TPH2: variants seen among roughly 807,000 people sequenced by gnomAD.
The protein encoded by TPH2 is tryptophan 5-hydroxylase 2.
In TPH2, 27 loss-of-function variants were observed where a neutral mutation model predicts 59.1. The ratio of observed to expected loss-of-function variants is 0.46; its 90% CI spans 0.34 to 0.63. The LOEUF is 0.63. TPH2 is among the 30% of genes least tolerant of loss of function. The pLI is 0.01. For missense variants in TPH2, 523 were observed against 588.3 expected, an observed-to-expected ratio of 0.89 and a Z score of 1.15; for synonymous variants, 220 against 210.5, an observed-to-expected ratio of 1.05 and a Z score of -0.39.
At chr12:71,957,954 T>G (rs1024842418) in intron 5 of TPH2, among the ~76,000 whole-genome samples, 3 of 152,222 alleles carry the variant, frequency 2.0e-5, no homozygotes, top group African/African-American at 7.2e-5. Context: ...TCAGATTGTA[T>G]TAGGTTCCTT....
chr12:72,027,237 G>A (rs1873595828), intron 9 of TPH2, among the ~76,000 whole-genome samples: 1 of 152,196 alleles, frequency 6.6e-6, no homozygotes, highest in Non-Finnish European at 1.5e-5. Flanking sequence ...AAGCCTCAGA[G>A]CTGGGGCCGT....
intron 5 of TPH2, chr12:71,962,751 A>G (rs1014051205): frequency 1.2e-5 from 11 of 924,080 alleles, no homozygotes; most frequent in Non-Finnish European, 1.4e-5. Flanking sequence ...GAGATAGAGT[A>G]TCTGTCATCC....
intron 8 of TPH2, among the ~76,000 whole-genome samples, chr12:72,013,284 T>C (rs1355957532): frequency 1.3e-5 from 2 of 152,208 alleles, no homozygotes; most frequent in African/African-American, 4.8e-5. Context: ...AAGATGTTTC[T>C]CAAATCCCAA....
rs1872198763 is a variant in TPH2 at position 71,979,065 on chromosome 12, G to T, written c.919G>T (p.Asp307Tyr). 1.2e-6 allele frequency: 2 copies of T among 1,614,004 alleles called. No homozygotes were observed. The highest frequency in any genetic ancestry group is 2.2e-5 in the South Asian group (2 of 91,086). Residue 307 changes from aspartate to tyrosine, a missense_variant, in exon 7 of 11, where the codon GAT becomes TAT. Physicochemically the swap from Asp to Tyr is radical, Grantham distance 160. Coordinates refer to ENST00000333850, the MANE Select transcript of TPH2 (RefSeq NM_173353.4). ...TACCCAGTACATCCGGCATGGCTCA[G>T]ATCCCCTCTACACCCCAGAACCGTG... The part of the protein sequence containing the change: ...HCTQYIRHGS[D>Y]PLYTPEPDTC...
intron 9 of TPH2, among the ~76,000 whole-genome samples, chr12:72,027,954 A>G (rs865825030): frequency 6.6e-6 from 1 of 152,112 alleles, no homozygotes. Context: ...GCAGCCCAAC[A>G]TGGGGTAGTT....
chr12:71,966,456 C>T (rs189627104), intron 5 of TPH2, among the ~76,000 whole-genome samples: 77 of 152,160 alleles, frequency 5.1e-4, no homozygotes, highest in Middle Eastern at 3.4e-3. Context: ...TTGTTTTCTC[C>T]AACCGCCAGG....
intron 7 of TPH2, among the ~76,000 whole-genome samples, chr12:71,993,208 A>G (rs1171350880): frequency 1.3e-5 from 2 of 152,236 alleles, no homozygotes; most frequent in Non-Finnish European, 2.9e-5. Context: ...GTGGGCATCA[A>G]TCTTGGCCCT....
At chr12:71,949,845 A>G (rs532058409) in intron 5 of TPH2, among the ~76,000 whole-genome samples, 190 bp downstream of exon 5, 1 of 152,318 alleles carries the variant, frequency 6.6e-6, no homozygotes, top group East Asian at 1.9e-4. Context: ...TTGTAAAATA[A>G]TGAGACCTGT....
In TPH2 at chr12:71,997,327, G is replaced by T. The variant is rs576566247; in HGVS notation, c.1068+2762G>T. Among the ~76,000 whole-genome samples the T allele has an allele frequency of 4.6e-5, 7 of 152,302 alleles. No individual in the cohort carries two copies. The East Asian group carries it at 1.2e-3, about 25-fold the overall frequency. On this transcript the variant is annotated intron_variant, in intron 8 of 10. Coordinates refer to ENST00000333850, the MANE Select transcript of TPH2 (RefSeq NM_173353.4). ...TATGATAATCTTCCCGTCTCACTAT[G>T]TATGGCCATCATCAACATCTGCAAA... is the stretch of plus-strand genomic sequence containing the variant.
At chr12:71,964,577 A>G (rs1343491719) in intron 5 of TPH2, 1 of 985,240 alleles carries the variant, frequency 1.0e-6, no homozygotes, top group Non-Finnish European at 1.2e-6. Context: ...TTGGCTGTAT[A>G]TTGTAGACAC....
chr12:71,995,695 G>A (rs1872677237), intron 8 of TPH2, among the ~76,000 whole-genome samples: 1 of 152,212 alleles, frequency 6.6e-6, no homozygotes, highest in Non-Finnish European at 1.5e-5. Flanking sequence ...AGGACAGCAT[G>A]TCTCTTGTAT....
chr12:71,953,594 G>T (rs1037462475), intron 5 of TPH2, among the ~76,000 whole-genome samples: 3 of 152,112 alleles, frequency 2.0e-5, no homozygotes, highest in Admixed American at 2.0e-4. Context: ...AGTACATAAA[G>T]GAGAGTGACG....
At chr12:71,983,300 C>T (rs1417304077) in intron 7 of TPH2, among the ~76,000 whole-genome samples, 11 of 152,226 alleles carry the variant, frequency 7.2e-5, no homozygotes, top group South Asian at 2.1e-4. Flanking sequence ...ATCTGCATTT[C>T]GGTATTGCCT....
At chr12:71,941,425 A>G (rs1871062268) in intron 1 of TPH2, 159 bp from the exon 2 acceptor site, 2 of 348,554 alleles carry the variant, frequency 5.7e-6, no homozygotes, top group South Asian at 1.2e-4. Flanking sequence ...ACCAATATTT[A>G]TGACTGAAAG....
chr12:71,996,700 G>A (rs1388417949), intron 8 of TPH2, among the ~76,000 whole-genome samples: 5 of 152,136 alleles, frequency 3.3e-5, no homozygotes, highest in African/African-American at 1.2e-4. Context: ...ATGTGAACAT[G>A]GGCATCTAAA....
At chr12:71,956,858 C>T (rs1035352596) in intron 5 of TPH2, among the ~76,000 whole-genome samples, 2 of 152,060 alleles carry the variant, frequency 1.3e-5, no homozygotes, top group African/African-American at 4.8e-5. Flanking sequence ...AATCTGTCTG[C>T]CTTGGCCTCC....
At chr12:72,009,214 C>T (rs942561743) in intron 8 of TPH2, among the ~76,000 whole-genome samples, 4 of 152,118 alleles carry the variant, frequency 2.6e-5, no homozygotes, top group African/African-American at 9.7e-5. Flanking sequence ...CCTGCCTGTC[C>T]TGCCTCTACT....
At chr12:71,953,418 C>T (rs1028524249) in intron 5 of TPH2, among the ~76,000 whole-genome samples, 4 of 151,972 alleles carry the variant, frequency 2.6e-5, no homozygotes, top group Non-Finnish European at 5.9e-5. Context: ...TTGTGCCTGC[C>T]ATGGTGCTGG....
chr12:71,982,355 T>C (rs1872309930), intron 7 of TPH2, among the ~76,000 whole-genome samples: 1 of 152,134 alleles, frequency 6.6e-6, no homozygotes, highest in African/African-American at 2.4e-5. Flanking sequence ...AATTTAAAGT[T>C]CACTAAAAGG....
Sources: allele counts gnomAD v4.1 joint callset (sites outside exome capture counted in the v4.1 genomes callset), GRCh38; gene constraint gnomAD v4.1.1; transcripts MANE v1.5; gene names NCBI Gene and HGNC (gene_info 2026-07-23, HGNC 2026-07-21).